SYN3: variants seen among roughly 807,000 people sequenced by gnomAD.
SYN3 encodes synapsin-3.
In SYN3, 35 loss-of-function variants were observed where a neutral mutation model predicts 65.8. The observed-to-expected ratio is 0.53, with a 90% CI of 0.41 to 0.70. The LOEUF (loss-of-function observed/expected upper bound fraction) is 0.70, where lower values mean the gene tolerates loss of function less well. SYN3 is among the 30% of genes least tolerant of loss of function. The pLI is 0.00. For missense variants in SYN3, 680 were observed against 749.0 expected (o/e 0.91, Z 1.08); for synonymous variants, 270 against 292.9 (o/e 0.92, Z 0.80).
At chr22:32,702,477 T>C (rs2060823217) in intron 6 of SYN3, among the ~76,000 whole-genome samples, 1 of 152,118 alleles carries the variant, frequency 6.6e-6, no homozygotes, top group African/African-American at 2.4e-5. Flanking sequence ...CTCAAATAAA[T>C]AAATAAATAG....
Position 32,801,678 on chromosome 22 carries a change from A to G in SYN3, c.711+63237T>C, listed in dbSNP as rs1450847914. The G allele has an allele frequency of 5.8e-6, 1 of 171,554 alleles. No individual in the cohort carries two copies. Among genetic ancestry groups the G allele is most frequent in the Non-Finnish European group, 1.2e-5 (1 of 82,136 alleles). The allele number at this position is 171,554 out of a possible 1,614,324, so 10.6% of individuals were successfully genotyped here. Reference sequence around the variant, plus strand: ...GGGGTCCCCGGGGGCCCAGCGCTATATCACTCGGCCGCCCAGGCAGCGGCG... The same window carrying G: ...GGGGTCCCCGGGGGCCCAGCGCTATGTCACTCGGCCGCCCAGGCAGCGGCG... On this transcript the variant is annotated intron_variant, in intron 6 of 13. Transcript: ENST00000358763. The surrounding 1 kb of genome is among the most constrained non-coding windows in gnomAD (Gnocchi z 4.7).
intron 3 of SYN3, among the ~76,000 whole-genome samples, chr22:32,948,318 T>C (rs1317290006): frequency 6.6e-6 from 1 of 152,178 alleles, no homozygotes; most frequent in Admixed American, 6.5e-5. Context: ...AGCGGGCTAC[T>C]AGGAAACACT....
chr22:33,006,415 G>A lies in SYN3; in HGVS notation c.248C>T (p.Pro83Leu), dbSNP rs774846825. 2.5e-6 allele frequency: 4 copies of A among 1,614,144 alleles called. No homozygotes were observed. The highest frequency in any genetic ancestry group is 2.2e-5 in the South Asian group (2 of 91,080). The change falls in exon 2 of 14, where the codon CCC (proline) becomes CTC (leucine). Residue 83 changes from proline to leucine, a missense_variant. Transcript: ENST00000358763. ...GGGTCTTTGAACAATGGGCGTGGAGGGACCTGGAGGCTCCATCAGTCCTGA... is the reference window on the plus strand; with the variant it reads ...GGGTCTTTGAACAATGGGCGTGGAGAGACCTGGAGGCTCCATCAGTCCTGA... ...ATSGLMEPPG[P>L]STPIVQRPRI...
chr22:32,969,643 C>A (rs1416499909), intron 3 of SYN3, among the ~76,000 whole-genome samples: 1 of 152,172 alleles, frequency 6.6e-6, no homozygotes, highest in Non-Finnish European at 1.5e-5. Flanking sequence ...TGGACTCCAA[C>A]AATAATTTCA....
intron 4 of SYN3, among the ~76,000 whole-genome samples, chr22:32,890,013 TA>T (rs751260864): frequency 2.1e-5 from 3 of 143,174 alleles, no homozygotes; most frequent in Non-Finnish European, 4.6e-5. Context: ...TTTTTTATCC[TA>T]AAAAAAAATT....
At chr22:32,810,035 G>T (rs1239981923) in intron 6 of SYN3, among the ~76,000 whole-genome samples, 2 of 152,182 alleles carry the variant, frequency 1.3e-5, no homozygotes, top group African/African-American at 4.8e-5. Context: ...TTCAGAGGAG[G>T]TGACATGGGT....
chr22:32,519,086 AC>A (rs948370305), intron 12 of SYN3, among the ~76,000 whole-genome samples: 1 of 152,088 alleles, frequency 6.6e-6, no homozygotes, highest in African/African-American at 2.4e-5. Context: ...CCCTGCTAGC[AC>A]CTTGATCTTG....
intron 7 of SYN3, among the ~76,000 whole-genome samples, chr22:32,577,322 T>C (rs371771566): frequency 3.8e-4 from 58 of 152,310 alleles, no homozygotes; most frequent in Non-Finnish European, 7.5e-4. Flanking sequence ...TTCCCACCTT[T>C]ATGGAAGTCT....
intron 1 of SYN3, among the ~76,000 whole-genome samples, chr22:33,020,766 G>A (rs1387005467): frequency 6.6e-6 from 1 of 151,948 alleles, no homozygotes; most frequent in Non-Finnish European, 1.5e-5. Flanking sequence ...CTCTGGTGCT[G>A]GACACAGGTA....
chr22:32,524,604 T>C (rs972202919), intron 12 of SYN3, among the ~76,000 whole-genome samples: 9 of 152,232 alleles, frequency 5.9e-5, no homozygotes, highest in African/African-American at 2.2e-4. Flanking sequence ...ATCCACACAA[T>C]AGTTCTGATG....
chr22:32,606,844 A>T (rs2059379278), intron 6 of SYN3, among the ~76,000 whole-genome samples: 1 of 151,318 alleles, frequency 6.6e-6, no homozygotes, highest in Non-Finnish European at 1.5e-5. Context: ...TATTTATTTA[A>T]AAAATAATTA....
chr22:32,990,729 T>C lies in SYN3; in HGVS notation c.312-10027A>G, dbSNP rs528466920. Among the ~76,000 whole-genome samples the C allele has an allele frequency of 2.6e-5, 4 of 152,326 alleles. No homozygotes were observed. In the East Asian group the frequency reaches 7.7e-4, roughly 29 times the overall value. On this transcript the variant is annotated intron_variant, in intron 2 of 13. Coordinates refer to ENST00000358763, the MANE Select transcript of SYN3 (RefSeq NM_003490.4). ...CCTCATAGAATCCACAGTCTTGTTTTGTTGCACTTAAATTGTATACTTTTA... is the reference window on the plus strand; with the variant it reads ...CCTCATAGAATCCACAGTCTTGTTTCGTTGCACTTAAATTGTATACTTTTA...
chr22:33,009,833 CTT>C (rs1422246853), intron 1 of SYN3, among the ~76,000 whole-genome samples: 66 of 149,698 alleles, frequency 4.4e-4, no homozygotes, highest in East Asian at 2.3e-3. Flanking sequence ...TATATAAAGT[CTT>C]ATATATATCT....
intron 4 of SYN3, among the ~76,000 whole-genome samples, chr22:32,903,029 A>C (rs1464931664): frequency 1.3e-5 from 2 of 152,116 alleles, no homozygotes; most frequent in Non-Finnish European, 2.9e-5. Context: ...AGTCTTAAAA[A>C]ACACGCTCTC....
At chr22:33,028,685 G>GTGA (rs2053688228) in intron 1 of SYN3, among the ~76,000 whole-genome samples, 1 of 92,782 alleles carries the variant, frequency 1.1e-5, no homozygotes, top group Non-Finnish European at 2.1e-5. Flanking sequence ...GGTGGTGGTG[G>GTGA]TGGTGATGGT....
intron 7 of SYN3, among the ~76,000 whole-genome samples, chr22:32,585,720 AACATTGGGTTAC>A (rs140058363): frequency 0.038 from 5,855 of 152,176 alleles, 227 homozygotes; most frequent in African/African-American, 0.097. Context: ...TCAACAGGTG[AACATTGGGTTAC>A]ACAGAGAAGC....
intron 6 of SYN3, among the ~76,000 whole-genome samples, chr22:32,703,318 C>T (rs1393611322): frequency 1.3e-5 from 2 of 152,146 alleles, no homozygotes; most frequent in Non-Finnish European, 2.9e-5. Flanking sequence ...AGGATCTGTA[C>T]ATTTCTGACC....
At chr22:32,742,201 G>A (rs577143835) in intron 6 of SYN3, among the ~76,000 whole-genome samples, 1 of 152,212 alleles carries the variant, frequency 6.6e-6, no homozygotes, top group East Asian at 1.9e-4. Flanking sequence ...GCCTGAACCC[G>A]GGAAGCGGAG....
At chr22:32,542,997 G>C (rs376577651) in intron 7 of SYN3, among the ~76,000 whole-genome samples, 1 of 152,186 alleles carries the variant, frequency 6.6e-6, no homozygotes, top group African/African-American at 2.4e-5. Context: ...GGTCAGAGAC[G>C]GGCAGAGCCC....
Sources: gnomAD v4.1 joint callset for allele counts (sites outside exome capture counted in the v4.1 genomes callset) on GRCh38, gnomAD v4.1.1 for gene constraint, Gnocchi (gnomAD v3.1) non-coding constraint, MANE v1.5 for transcripts, NCBI Gene and HGNC (gene_info 2026-07-23, HGNC 2026-07-21) for gene names.